Variants in LOC102723971 observed in about 807,000 individuals in gnomAD.
At chr9:135,617,616 G>A in the LOC102723971 span, among the ~76,000 whole-genome samples, 5 of 152,300 alleles carry the variant, frequency 3.3e-5, no homozygotes, top group East Asian at 3.9e-4. Flanking sequence ...GCACCAGGCC[G>A]GAACTTGGGA....
the LOC102723971 span, among the ~76,000 whole-genome samples, chr9:135,618,268 G>A: frequency 1.3e-5 from 2 of 152,252 alleles, no homozygotes; most frequent in African/African-American, 2.4e-5. Context: ...GTGGCTCAGA[G>A]ACGTTCGGTA....
the LOC102723971 span, chr9:135,618,081 C>CG: frequency 5.0e-6 from 2 of 398,712 alleles, no homozygotes; most frequent in East Asian, 7.1e-5. Context: ...TGGAGCCGGA[C>CG]GGGAAGAGGG....
chr9:135,615,776 G>C, the LOC102723971 span, among the ~76,000 whole-genome samples: 1 of 152,168 alleles, frequency 6.6e-6, no homozygotes, highest in Non-Finnish European at 1.5e-5. Flanking sequence ...AGTTTTAAAT[G>C]TGCGATCTCC....
the LOC102723971 span, among the ~76,000 whole-genome samples, chr9:135,618,731 C>T: frequency 6.6e-6 from 1 of 151,674 alleles, no homozygotes; most frequent in Non-Finnish European, 1.5e-5. Flanking sequence ...GTGGGTGGGG[C>T]CTTGTGGGCC....
chr9:135,617,176 G>A, the LOC102723971 span, among the ~76,000 whole-genome samples: 2 of 152,164 alleles, frequency 1.3e-5, no homozygotes, highest in Admixed American at 6.5e-5. Context: ...GGCAGCCTTG[G>A]GCCGAGACGC....
At chr9:135,619,142 C>T in the LOC102723971 span, among the ~76,000 whole-genome samples, 1 of 152,110 alleles carries the variant, frequency 6.6e-6, no homozygotes, top group Admixed American at 6.5e-5. Context: ...CTCTCCTGGT[C>T]CCCTCCCCTG....
the LOC102723971 span, chr9:135,615,631 G>A: frequency 5.0e-6 from 2 of 397,428 alleles, no homozygotes; most frequent in East Asian, 7.1e-5. Flanking sequence ...CTCCAAGAGG[G>A]GTAAGCTCAG....
At chr9:135,616,944 A>G in the LOC102723971 span, 1 of 398,548 alleles carries the variant, frequency 2.5e-6, no homozygotes, top group Non-Finnish European at 4.4e-6. Flanking sequence ...CTTCGTCAGC[A>G]CCGACTACAG....
the LOC102723971 span, among the ~76,000 whole-genome samples, chr9:135,618,727 G>A: frequency 6.6e-6 from 1 of 151,810 alleles, no homozygotes; most frequent in Non-Finnish European, 1.5e-5. Flanking sequence ...GGCAGTGGGT[G>A]GGGCCTTGTG....
chr9:135,616,502 C>A, the LOC102723971 span: 1 of 397,714 alleles, frequency 2.5e-6, no homozygotes, highest in Non-Finnish European at 4.4e-6. Flanking sequence ...GGTGGAGAGC[C>A]CTGAGAGGGC....
At chr9:135,617,798 G>C in the LOC102723971 span, among the ~76,000 whole-genome samples, 539 of 152,300 alleles carry the variant, frequency 3.5e-3, 2 homozygotes, top group African/African-American at 0.012. Flanking sequence ...GTGGTCCGAA[G>C]AGCCCCCAGA....
chr9:135,617,562 C>T, the LOC102723971 span, among the ~76,000 whole-genome samples: 4 of 152,034 alleles, frequency 2.6e-5, no homozygotes, highest in South Asian at 2.1e-4. Flanking sequence ...CAGCAGCAGC[C>T]GAGAGGCCCC....
At chr9:135,616,725 G>T in the LOC102723971 span, 3,195 of 398,556 alleles carry the variant, frequency 8.0e-3, 18 homozygotes, top group Middle Eastern at 0.013. Flanking sequence ...AGGGGCGCTC[G>T]GATGTCCAGT....
the LOC102723971 span, chr9:135,616,996 C>G: frequency 2.5e-6 from 1 of 398,664 alleles, no homozygotes; most frequent in Admixed American, 4.4e-5. Flanking sequence ...GATGAGATCA[C>G]CAACCTGTGG....
At chr9:135,616,299 G>T in the LOC102723971 span, among the ~76,000 whole-genome samples, 7 of 152,182 alleles carry the variant, frequency 4.6e-5, no homozygotes, top group Non-Finnish European at 7.3e-5. Context: ...CAGGAGGCTT[G>T]GTGTCATCCC....
chr9:135,618,775 C>G, the LOC102723971 span, among the ~76,000 whole-genome samples: 1 of 151,942 alleles, frequency 6.6e-6, no homozygotes, highest in East Asian at 1.9e-4. Context: ...GAGCACAGGG[C>G]CCTGGCAGGA....
At chr9:135,614,591 G>A in the LOC102723971 span, among the ~76,000 whole-genome samples, 5 of 152,264 alleles carry the variant, frequency 3.3e-5, no homozygotes, top group African/African-American at 7.2e-5. Flanking sequence ...CCCTCTCTCC[G>A]GGCTGCGGAA....
chr9:135,615,660 G>A, the LOC102723971 span, among the ~76,000 whole-genome samples: 1 of 152,192 alleles, frequency 6.6e-6, no homozygotes, highest in African/African-American at 2.4e-5. Flanking sequence ...AGAGGCAGGT[G>A]GGCAGGAAAC....
the LOC102723971 span, chr9:135,616,763 T>C: frequency 2.5e-6 from 1 of 398,122 alleles, no homozygotes; most frequent in Non-Finnish European, 4.4e-6. Context: ...GAAGGGGTTG[T>C]CGGCTTTGGG....
Sources: gnomAD v4.1 joint callset for allele counts (sites outside exome capture counted in the v4.1 genomes callset) on GRCh38, gnomAD v4.1.1 for gene constraint, MANE v1.5 for transcripts.